The following TCF7L2 variants were observed in gnomAD, a reference collection of about 807,000 sequenced individuals.
TCF7L2 encodes transcription factor 7 like 2.
In TCF7L2, 23 loss-of-function variants were observed where a neutral mutation model predicts 77.9. That is an observed-to-expected ratio of 0.30 (90% CI 0.21 to 0.42). The LOEUF (loss-of-function observed/expected upper bound fraction) is 0.42. Among genes scored for constraint, TCF7L2 ranks in the 10% least tolerant of loss-of-function variants. TCF7L2 has a pLI of 1.00. For missense variants in TCF7L2, 654 were observed against 793.1 expected, an observed-to-expected ratio of 0.82 and a Z score of 2.11; for synonymous variants, 413 against 340.2, an observed-to-expected ratio of 1.21 and a Z score of -2.36.
intron 4 of TCF7L2, among the ~76,000 whole-genome samples, chr10:113,027,945 G>C (rs556524619): frequency 2.0e-5 from 3 of 152,322 alleles, no homozygotes; most frequent in African/African-American, 7.2e-5. Flanking sequence ...AGACCCGTCG[G>C]GTCTGCAGTC....
chr10:113,082,442 C>T (rs145521369), intron 5 of TCF7L2, among the ~76,000 whole-genome samples: 2 of 151,998 alleles, frequency 1.3e-5, no homozygotes, highest in Non-Finnish European at 2.9e-5. Context: ...CTTTCCCCCC[C>T]ACAGGAAAAA....
At chr10:113,002,773 TA>T (rs947293523) in intron 4 of TCF7L2, among the ~76,000 whole-genome samples, 2 of 151,950 alleles carry the variant, frequency 1.3e-5, no homozygotes, top group East Asian at 1.9e-4. Context: ...GACTTGTTCT[TA>T]AAAAAAATGC....
chr10:113,059,640 C>T (rs1245126218), intron 5 of TCF7L2, among the ~76,000 whole-genome samples: 1 of 152,048 alleles, frequency 6.6e-6, no homozygotes, highest in Non-Finnish European at 1.5e-5. Context: ...GGGACATAAA[C>T]AAAAATGTCA....
In TCF7L2 at chr10:113,143,910, C is replaced by T. The variant is rs781517456; in HGVS notation, c.686-13C>T. 2.9e-5 allele frequency: 47 copies of T among 1,608,764 alleles called. No individual in the cohort carries two copies. Among genetic ancestry groups the T allele is most frequent in the Non-Finnish European group, 3.8e-5 (45 of 1,175,980 alleles). Reference sequence around the variant, plus strand: ...TCCCTCCTTTGTACCTAAAATGCTGCTTCTTCCCTCAGGAATCCCACGGCC... The same window carrying T: ...TCCCTCCTTTGTACCTAAAATGCTGTTTCTTCCCTCAGGAATCCCACGGCC... On this transcript the variant is annotated splice_polypyrimidine_tract_variant and intron_variant, in intron 6 of 13. Transcript: ENST00000627217.
At chr10:113,041,955 G>A (rs1430921601) in intron 5 of TCF7L2, among the ~76,000 whole-genome samples, 1 of 152,198 alleles carries the variant, frequency 6.6e-6, no homozygotes, top group Non-Finnish European at 1.5e-5. Flanking sequence ...GAGAGAAGAT[G>A]TGAATCCTGG....
Position 113,066,517 on chromosome 10 carries a change from T to C in TCF7L2, c.552+26391T>C, listed in dbSNP as rs537411716. Among the ~76,000 whole-genome samples, 8 of 152,254 alleles carry C rather than the reference T, an allele frequency of 5.3e-5. No homozygotes were observed. The East Asian group carries it at 1.5e-3, about 29-fold the overall frequency. ...AATGCGAGTCTTCAAATGGAGGAAA[T>C]AATGCCTGTGTGCTTATATAATTTG... On this transcript the variant is annotated intron_variant, in intron 5 of 13. Coordinates refer to ENST00000627217, the MANE Select transcript of TCF7L2 (RefSeq NM_001146274.2).
At chr10:113,023,409 C>T (rs952903493) in intron 4 of TCF7L2, among the ~76,000 whole-genome samples, 3 of 152,118 alleles carry the variant, frequency 2.0e-5, no homozygotes, top group African/African-American at 7.2e-5. Flanking sequence ...AGGCAAAGCC[C>T]CTTTTCAAGG....
Position 112,991,095 on chromosome 10 carries a change from G to A in TCF7L2, c.450+26471G>A, listed in dbSNP as rs1314343825. Among the ~76,000 whole-genome samples, 4 of 152,078 alleles carry A rather than the reference G, an allele frequency of 2.6e-5. No individual in the cohort carries two copies. The East Asian group carries it at 7.7e-4, about 29-fold the overall frequency. On this transcript the variant is annotated intron_variant, in intron 4 of 13. Transcript: ENST00000627217. ...CATGCCAAAGTTGTGGGCCAGACTC[G>A]GACTGCCTGGCTTGTCTCAGCACCT...
At chr10:113,102,427 G>GTTTT (rs759557227) in intron 5 of TCF7L2, among the ~76,000 whole-genome samples, 1 of 141,510 alleles carries the variant, frequency 7.1e-6, no homozygotes, top group Non-Finnish European at 1.6e-5. Context: ...TTGTTTGTTT[G>GTTTT]TTTTTTTTTT....
At chr10:113,021,061 C>G (rs901964552) in intron 4 of TCF7L2, among the ~76,000 whole-genome samples, 16 of 152,188 alleles carry the variant, frequency 1.1e-4, no homozygotes, top group African/African-American at 3.6e-4. Flanking sequence ...CGGCAAAGTG[C>G]TGGCATCAAT....
intron 5 of TCF7L2, among the ~76,000 whole-genome samples, chr10:113,058,694 C>CTGTG (rs112952265): frequency 6.0e-5 from 9 of 150,378 alleles, no homozygotes; most frequent in Non-Finnish European, 1.2e-4. Context: ...GGGTCGTGAG[C>CTGTG]TGTGTGTGTG....
chr10:113,156,348 T>C (rs967129888), intron 11 of TCF7L2, among the ~76,000 whole-genome samples: 2 of 152,154 alleles, frequency 1.3e-5, no homozygotes, highest in African/African-American at 2.4e-5. Flanking sequence ...TCTCTTGACC[T>C]TGTGATCTGC....
chr10:113,013,708 G>C (rs2046844450), intron 4 of TCF7L2, among the ~76,000 whole-genome samples: 1 of 152,212 alleles, frequency 6.6e-6, no homozygotes, highest in Admixed American at 6.5e-5. Context: ...TTAGAGCAAA[G>C]AAAGGCAGTT....
At chr10:113,049,352 A>G (rs1397293595) in intron 5 of TCF7L2, among the ~76,000 whole-genome samples, 1 of 151,898 alleles carries the variant, frequency 6.6e-6, no homozygotes, top group Non-Finnish European at 1.5e-5. Flanking sequence ...GCTCAACAAC[A>G]TCGACCCATT....
chr10:113,093,728 C>T (rs939106821), intron 5 of TCF7L2, among the ~76,000 whole-genome samples: 9 of 152,092 alleles, frequency 5.9e-5, no homozygotes. Context: ...TTTTAAAGCT[C>T]GCCACACAAA....
intron 5 of TCF7L2, among the ~76,000 whole-genome samples, chr10:113,057,688 T>C (rs1013878673): frequency 3.3e-5 from 5 of 152,222 alleles, no homozygotes; most frequent in Non-Finnish European, 7.3e-5. Flanking sequence ...TTAATCCTTA[T>C]GATCTTTGGG....
At chr10:113,012,025 C>T (rs982793962) in intron 4 of TCF7L2, among the ~76,000 whole-genome samples, 3 of 152,048 alleles carry the variant, frequency 2.0e-5, no homozygotes, top group African/African-American at 7.2e-5. Context: ...CGAGTATTGC[C>T]GTTGAGTATT....
intron 4 of TCF7L2, among the ~76,000 whole-genome samples, chr10:112,982,711 A>T (rs1386498199): frequency 1.3e-5 from 2 of 151,896 alleles, no homozygotes; most frequent in African/African-American, 4.8e-5. Flanking sequence ...GCCTCCATCC[A>T]CCTCCCGGAT....
At chr10:113,159,584 G>A (rs2072703130) in intron 12 of TCF7L2, among the ~76,000 whole-genome samples, 1 of 152,080 alleles carries the variant, frequency 6.6e-6, no homozygotes, top group Admixed American at 6.5e-5. Context: ...ATATTTAAGA[G>A]TTATTCCATG....
Sources: gnomAD v4.1 joint callset for allele counts (sites outside exome capture counted in the v4.1 genomes callset) on GRCh38, gnomAD v4.1.1 for gene constraint, MANE v1.5 for transcripts, NCBI Gene and HGNC (gene_info 2026-07-23, HGNC 2026-07-21) for gene names.